The following DENND1A variants were observed in gnomAD, a reference collection of about 807,000 sequenced individuals.
The protein encoded by DENND1A is DENN domain-containing protein 1A.
In DENND1A, 51 loss-of-function variants were observed where a neutral mutation model predicts 113.7. That is an observed-to-expected ratio of 0.45 (90% CI 0.36 to 0.57). The LOEUF (loss-of-function observed/expected upper bound fraction) is 0.57, where lower values mean the gene tolerates loss of function less well. DENND1A is among the 20% of genes least tolerant of loss of function. DENND1A has a pLI of 0.00. For missense variants in DENND1A, 1,258 were observed against 1,395.9 expected (o/e 0.90, Z 1.57); for synonymous variants, 565 against 570.8 (o/e 0.99, Z 0.14).
At chr9:123,755,757 T>G (rs2070487464) in intron 5 of DENND1A, among the ~76,000 whole-genome samples, 1 of 152,232 alleles carries the variant, frequency 6.6e-6, no homozygotes, top group South Asian at 2.1e-4. Flanking sequence ...TTCCTTATGA[T>G]TTTCTTAATA....
At chr9:123,858,196 G>A (rs1358520762) in intron 2 of DENND1A, among the ~76,000 whole-genome samples, 2 of 152,174 alleles carry the variant, frequency 1.3e-5, no homozygotes, top group South Asian at 2.1e-4. Context: ...ATGGTAGTAC[G>A]GTATCAATGT....
intron 5 of DENND1A, among the ~76,000 whole-genome samples, chr9:123,716,721 C>A (rs1213450232): frequency 6.6e-6 from 1 of 152,186 alleles, no homozygotes; most frequent in African/African-American, 2.4e-5. Flanking sequence ...AAATTAATTG[C>A]CTTTGTGACT....
chr9:123,826,239 C>CA (rs1204983816), intron 2 of DENND1A, among the ~76,000 whole-genome samples: 8 of 151,922 alleles, frequency 5.3e-5, no homozygotes, highest in Non-Finnish European at 7.4e-5. Context: ...CCTATCTCTA[C>CA]AAAAAATACA....
At chr9:123,484,491 A>G (rs1000492624) in intron 13 of DENND1A, among the ~76,000 whole-genome samples, 1 of 152,122 alleles carries the variant, frequency 6.6e-6, no homozygotes, top group Admixed American at 6.5e-5. Flanking sequence ...CTGACCTGCT[A>G]TGTACTGGGT....
Position 123,929,918 on chromosome 9 carries a change from T to C in DENND1A, c.-13A>G, listed in dbSNP as rs1312560050. 3.1e-6 allele frequency: 1 copy of C among 325,468 alleles called. No individual in the cohort carries two copies. Among genetic ancestry groups the C allele is most frequent in the South Asian group, 4.4e-5 (1 of 22,974 alleles). The allele number at this position is 325,468 out of a possible 1,614,324, so 20.2% of individuals were successfully genotyped here. A position where few individuals can be genotyped will look rare whatever the true frequency, so the allele number is the denominator to read the frequency against. Reference sequence around the variant, plus strand: ...TCCTGGAGCCCATGGTCCCCAGGCCTCCTCATGGGCCCGCGGGCCCCGCTC... The same window carrying C: ...TCCTGGAGCCCATGGTCCCCAGGCCCCCTCATGGGCCCGCGGGCCCCGCTC... On this transcript the variant is annotated 5_prime_UTR_variant, in exon 1 of 24. Coordinates refer to ENST00000394215, the MANE Select transcript of DENND1A (RefSeq NM_001352964.2).
intron 1 of DENND1A, among the ~76,000 whole-genome samples, chr9:123,891,832 T>A (rs189812242): frequency 7.0e-4 from 106 of 152,284 alleles, no homozygotes; most frequent in Non-Finnish European, 7.4e-5. Context: ...AACAATGTTT[T>A]TCAAGAGACT....
At chr9:123,793,087 G>A (rs776432881) in intron 2 of DENND1A, among the ~76,000 whole-genome samples, 1 of 152,108 alleles carries the variant, frequency 6.6e-6, no homozygotes. Context: ...AAAACTCATC[G>A]CTTTAATAAA....
At chr9:123,828,975 G>T (rs1839793226) in intron 2 of DENND1A, among the ~76,000 whole-genome samples, 1 of 152,064 alleles carries the variant, frequency 6.6e-6, no homozygotes, top group Admixed American at 6.5e-5. Flanking sequence ...CTGAAATAAA[G>T]AAAAAGTTCA....
At chr9:123,800,661 G>A (rs1199452676) in intron 2 of DENND1A, among the ~76,000 whole-genome samples, 3 of 152,128 alleles carry the variant, frequency 2.0e-5, no homozygotes, top group South Asian at 2.1e-4. Context: ...AGGCCTTAGC[G>A]GATTATGAAT....
chr9:123,920,437 C>G (rs757349005), intron 1 of DENND1A, among the ~76,000 whole-genome samples: 1 of 151,678 alleles, frequency 6.6e-6, no homozygotes. Context: ...CACACACACA[C>G]AAAAAAAACA....
At chr9:123,553,766 C>T (rs1267259473) in intron 13 of DENND1A, among the ~76,000 whole-genome samples, 1 of 152,044 alleles carries the variant, frequency 6.6e-6, no homozygotes, top group Non-Finnish European at 1.5e-5. Flanking sequence ...TTACTTCAAA[C>T]CTTTTTTTTT....
At chr9:123,781,771 C>G (rs747000151) in intron 3 of DENND1A, among the ~76,000 whole-genome samples, 1 of 152,010 alleles carries the variant, frequency 6.6e-6, no homozygotes, top group Non-Finnish European at 1.5e-5. Context: ...TTGAGTTAAA[C>G]ATTTTATTTA....
chr9:123,491,528 T>A (rs1304973258), intron 13 of DENND1A, among the ~76,000 whole-genome samples: 4 of 152,200 alleles, frequency 2.6e-5, no homozygotes, highest in Non-Finnish European at 5.9e-5. Context: ...GGGTCTGCCA[T>A]GAACGCTCTA....
At chr9:123,790,414 A>G (rs1832830017) in intron 3 of DENND1A, among the ~76,000 whole-genome samples, 1 of 152,018 alleles carries the variant, frequency 6.6e-6, no homozygotes, top group South Asian at 2.1e-4. Context: ...CGTATGTGTC[A>G]AGTTGGAAGA....
intron 13 of DENND1A, among the ~76,000 whole-genome samples, chr9:123,548,793 T>C (rs1446081410): frequency 1.3e-5 from 2 of 152,238 alleles, no homozygotes; most frequent in African/African-American, 4.8e-5. Flanking sequence ...AACATGATGC[T>C]ACCAAAATAA....
intron 10 of DENND1A, among the ~76,000 whole-genome samples, chr9:123,615,147 A>G (rs2060589907): frequency 6.6e-6 from 1 of 152,234 alleles, no homozygotes; most frequent in Non-Finnish European, 1.5e-5. Context: ...GAAGCCAGTA[A>G]GAGCAGCCAC....
At chr9:123,897,488 T>C (rs1002189157) in intron 1 of DENND1A, among the ~76,000 whole-genome samples, 3 of 152,198 alleles carry the variant, frequency 2.0e-5, no homozygotes, top group Non-Finnish European at 2.9e-5. Flanking sequence ...ATTACTTTCT[T>C]TTCTACTCTG....
chr9:123,910,532 A>G (rs1853764393), intron 1 of DENND1A, among the ~76,000 whole-genome samples: 1 of 152,378 alleles, frequency 6.6e-6, no homozygotes, highest in East Asian at 1.9e-4. Context: ...TAAAACAAAC[A>G]AAAGTATATT....
chr9:123,381,285 TGGAGGGGAGGAG>T lies in DENND1A; in HGVS notation c.*135_*146del, dbSNP rs2130826068. 1.4e-6 allele frequency: 1 copy of T among 729,100 alleles called. No homozygotes were observed. The highest frequency in any genetic ancestry group is 2.7e-5 in the East Asian group (1 of 37,034). The allele number at this position is 729,100 out of a possible 1,614,324, so 45.2% of individuals were successfully genotyped here. ...GGCCAGACATCAGAGATGGGCAGTG[TGGAGGGGAGGAG>T]GGGGCAGCAGAGAGGGGTCCCATCC... On this transcript the variant is annotated 3_prime_UTR_variant, in exon 24 of 24. Coordinates refer to ENST00000394215, the MANE Select transcript of DENND1A (RefSeq NM_001352964.2). The surrounding 1 kb of genome is among the most constrained non-coding windows in gnomAD (Gnocchi z 4.7).
Sources: gnomAD v4.1 joint callset for allele counts (sites outside exome capture counted in the v4.1 genomes callset) on GRCh38, gnomAD v4.1.1 for gene constraint, Gnocchi (gnomAD v3.1) non-coding constraint, MANE v1.5 for transcripts, NCBI Gene and HGNC (gene_info 2026-07-23, HGNC 2026-07-21) for gene names.